The following GALNT17 variants were observed in gnomAD, a reference collection of about 807,000 sequenced individuals.
GALNT17 encodes the protein UDP-GalNAc:polypeptide N-acetylgalactosaminyltransferase-like 3.
In GALNT17, 29 loss-of-function variants were observed where a neutral mutation model predicts 63.7. The ratio of observed to expected loss-of-function variants is 0.46; its 90% CI spans 0.34 to 0.62. GALNT17 has a LOEUF of 0.62. GALNT17 is among the 20% of genes least tolerant of loss of function. The probability of loss-of-function intolerance (pLI) is 0.01; values close to 1 mark genes in which losing one functional copy is unlikely to be tolerated. For synonymous variants in GALNT17, 305 were observed against 318.3 expected (o/e 0.96, Z 0.45); for missense variants, 603 against 799.6 (o/e 0.75, Z 2.97).
intron 5 of GALNT17, among the ~76,000 whole-genome samples, chr7:71,425,316 G>A (rs193081012): frequency 3.9e-5 from 6 of 151,998 alleles, no homozygotes; most frequent in South Asian, 2.1e-4. Context: ...TCTGCCTCCC[G>A]GGTTCGAGCA....
At chr7:71,660,661 G>C (rs1254732876) in intron 6 of GALNT17, among the ~76,000 whole-genome samples, 1 of 152,130 alleles carries the variant, frequency 6.6e-6, no homozygotes, top group Non-Finnish European at 1.5e-5. Context: ...AGACCTCTTG[G>C]GTGGACTCAG....
intron 5 of GALNT17, among the ~76,000 whole-genome samples, chr7:71,490,530 A>G (rs1787989663): frequency 6.6e-6 from 1 of 151,746 alleles, no homozygotes; most frequent in East Asian, 2.0e-4. Context: ...TTCTCTGGGC[A>G]AGGGCACTTT....
chr7:71,522,356 G>A (rs552598084), intron 5 of GALNT17, among the ~76,000 whole-genome samples: 10 of 152,286 alleles, frequency 6.6e-5, no homozygotes, highest in South Asian at 2.1e-4. Flanking sequence ...AAGACATACC[G>A]AAGACTGGAC....
intron 9 of GALNT17, among the ~76,000 whole-genome samples, chr7:71,690,403 T>C (rs1458126612): frequency 6.6e-6 from 1 of 152,022 alleles, no homozygotes; most frequent in Non-Finnish European, 1.5e-5. Context: ...ACAATATCAC[T>C]GCTCATTGAT....
intron 1 of GALNT17, among the ~76,000 whole-genome samples, chr7:71,237,858 A>C (rs1277141170): frequency 6.6e-6 from 1 of 152,056 alleles, no homozygotes; most frequent in Non-Finnish European, 1.5e-5. Context: ...TCACTTTTCA[A>C]ATAGGAGTGT....
At chr7:71,217,785 G>A (rs1183587739) in intron 1 of GALNT17, among the ~76,000 whole-genome samples, 1 of 152,000 alleles carries the variant, frequency 6.6e-6, no homozygotes, top group African/African-American at 2.4e-5. Flanking sequence ...AAAATTAACT[G>A]GGCATGGTAG....
chr7:71,421,682 G>A (rs1786667622), intron 5 of GALNT17, among the ~76,000 whole-genome samples: 1 of 152,130 alleles, frequency 6.6e-6, no homozygotes. Flanking sequence ...GGGCCTGGTA[G>A]CTCATCCCTG....
At chr7:71,617,330 G>GTT (rs201899143) in intron 6 of GALNT17, among the ~76,000 whole-genome samples, 4 of 139,388 alleles carry the variant, frequency 2.9e-5, no homozygotes, top group Non-Finnish European at 4.7e-5. Context: ...TGGTTTTTTT[G>GTT]TTTTTTTTTT....
At chr7:71,277,138 CA>C (rs1323563452) in intron 1 of GALNT17, among the ~76,000 whole-genome samples, 7 of 152,090 alleles carry the variant, frequency 4.6e-5, no homozygotes, top group Non-Finnish European at 1.0e-4. Context: ...TTATATACAC[CA>C]TGGAATACTA....
intron 6 of GALNT17, among the ~76,000 whole-genome samples, chr7:71,661,148 G>C (rs1790901948): frequency 6.6e-6 from 1 of 152,180 alleles, no homozygotes; most frequent in African/African-American, 2.4e-5. Context: ...CCCAGAGTGA[G>C]GGACAGGGCT....
chr7:71,696,300 A>G (rs1291469280), intron 9 of GALNT17, among the ~76,000 whole-genome samples: 2 of 151,728 alleles, frequency 1.3e-5, no homozygotes, highest in African/African-American at 4.8e-5. Flanking sequence ...TTTTATAGAG[A>G]CGGTGTTTCA....
chr7:71,709,427 T>C (rs998830476), intron 9 of GALNT17, among the ~76,000 whole-genome samples: 4 of 152,188 alleles, frequency 2.6e-5, no homozygotes, highest in Non-Finnish European at 4.4e-5. Context: ...GCCATGAACA[T>C]TTTAAAAGAA....
At chr7:71,544,849 A>AG (rs1174890052) in intron 5 of GALNT17, among the ~76,000 whole-genome samples, 2 of 70,156 alleles carry the variant, frequency 2.9e-5, no homozygotes, top group Non-Finnish European at 6.4e-5. Flanking sequence ...TCTGAGCTTT[A>AG]GTTTTTTTTT....
intron 3 of GALNT17, among the ~76,000 whole-genome samples, chr7:71,389,578 C>G (rs535237520): frequency 6.6e-6 from 1 of 152,248 alleles, no homozygotes; most frequent in East Asian, 1.9e-4. Context: ...AGGTTGAGGA[C>G]CGCTGCTCTA....
Position 71,197,192 on chromosome 7 carries a change from C to CTTT in GALNT17, c.238+64175_238+64177dup, listed in dbSNP as rs34276195. ...TATTGATTATAGTCACCCTGTTGTG[C>CTTT]TTTTTTTTTTTTTTTTTTTTTTTTT... On this transcript the variant is annotated intron_variant, in intron 1 of 10. Coordinates refer to ENST00000333538, the MANE Select transcript of GALNT17 (RefSeq NM_022479.3). Among the ~76,000 whole-genome samples the CTTT allele has an allele frequency of 2.6e-3, 180 of 69,800 alleles. 3 individuals carry two copies. The highest frequency in any genetic ancestry group is 3.8e-3 in the African/African-American group (62 of 16,296). The allele number at this position is 69,800 out of a possible 152,430, so 45.8% of individuals were successfully genotyped here. A position where few individuals can be genotyped will look rare whatever the true frequency, so the allele number is the denominator to read the frequency against.
At chr7:71,675,902 C>T (rs976179222) in intron 8 of GALNT17, among the ~76,000 whole-genome samples, 9 of 152,126 alleles carry the variant, frequency 5.9e-5, no homozygotes, top group Admixed American at 5.9e-4. Flanking sequence ...GCAGGAGTAT[C>T]GCTTGAACCC....
At chr7:71,209,953 C>T (rs372424379) in intron 1 of GALNT17, among the ~76,000 whole-genome samples, 12 of 151,998 alleles carry the variant, frequency 7.9e-5, no homozygotes, top group South Asian at 6.3e-4. Flanking sequence ...GACAGAGTTT[C>T]GCTCTGTCAC....
At chr7:71,175,149 CTTCT>C (rs113351935) in intron 1 of GALNT17, among the ~76,000 whole-genome samples, 3 of 151,640 alleles carry the variant, frequency 2.0e-5, no homozygotes, top group East Asian at 1.9e-4. Context: ...TCCATCCATT[CTTCT>C]TTCTTTCTTC....
chr7:71,458,713 A>T (rs1399994160), intron 5 of GALNT17, among the ~76,000 whole-genome samples: 1 of 152,038 alleles, frequency 6.6e-6, no homozygotes, highest in Admixed American at 6.6e-5. Context: ...TGGGAAGAGG[A>T]TCTTCCCCTG....
Sources: allele counts gnomAD v4.1 joint callset (sites outside exome capture counted in the v4.1 genomes callset), GRCh38; gene constraint gnomAD v4.1.1; transcripts MANE v1.5; gene names NCBI Gene and HGNC (gene_info 2026-07-23, HGNC 2026-07-21).